NLGN1: variants seen among roughly 807,000 people sequenced by gnomAD.
The protein encoded by NLGN1 is neuroligin 1.
NLGN1 carries 12 observed loss-of-function variants against 65.5 expected under a neutral mutation model. The observed-to-expected ratio is 0.18, with a 90% CI of 0.12 to 0.30. NLGN1 has a LOEUF of 0.30. Among genes scored for constraint, NLGN1 ranks in the 10% least tolerant of loss-of-function variants. The pLI, the probability that NLGN1 is intolerant of heterozygous loss-of-function variation, is 1.00. For synonymous variants in NLGN1, 350 were observed against 359.5 expected, an observed-to-expected ratio of 0.97 and a Z score of 0.30; for missense variants, 750 against 1,007.1, an observed-to-expected ratio of 0.74 and a Z score of 3.46.
At chr3:174,059,830 G>A (rs1435766667) in intron 4 of NLGN1, among the ~76,000 whole-genome samples, 2 of 152,134 alleles carry the variant, frequency 1.3e-5, no homozygotes, top group Non-Finnish European at 2.9e-5. Context: ...CGGCTAGCAA[G>A]TTTCTGTGCT....
chr3:174,201,112 C>A (rs1734371330), intron 4 of NLGN1, among the ~76,000 whole-genome samples: 1 of 151,956 alleles, frequency 6.6e-6, no homozygotes, highest in African/African-American at 2.4e-5. Context: ...GTGGCACACA[C>A]CTGTAGGCCC....
At position 173,904,496 on chromosome 3, in the gene NLGN1, G is replaced by A. The variant is rs79425790; in HGVS notation, c.646+96664G>A. Among the ~76,000 whole-genome samples the A allele has an allele frequency of 7.2e-3, 1,073 of 150,054 alleles. 21 individuals are homozygous for A. The highest frequency in any genetic ancestry group is 0.035 in the Admixed American group (528 of 15,092). ...AAATGGAGTATACTTTTGCTTATAT[G>A]TGAAGATAAAGGGTTTTTTTTTTTT... On this transcript the variant is annotated intron_variant, in intron 4 of 6. Transcript: ENST00000457714.
At chr3:173,562,489 C>T (rs1389520142) in intron 2 of NLGN1, among the ~76,000 whole-genome samples, 1 of 151,954 alleles carries the variant, frequency 6.6e-6, no homozygotes, top group Non-Finnish European at 1.5e-5. Context: ...ATCGCTTGAA[C>T]CCAGGAGGCA....
rs547345000 is a variant in NLGN1, at chr3:173,569,394, C to A, written c.-320-34885C>A. Among the ~76,000 whole-genome samples the A allele has an allele frequency of 2.0e-5, 3 of 151,928 alleles. No homozygotes were observed. In the South Asian group the frequency reaches 6.2e-4, roughly 32 times the overall value. ...GTCACATGCATTTTGTTACTCAGGG[C>A]TTTTATTAATTTTTTTAAAATTTTA... On this transcript the variant is annotated intron_variant, in intron 2 of 6. Transcript: ENST00000457714.
intron 3 of NLGN1, among the ~76,000 whole-genome samples, chr3:173,633,908 A>G (rs1756153114): frequency 6.6e-6 from 1 of 152,228 alleles, no homozygotes; most frequent in African/African-American, 2.4e-5. Context: ...CTTACATATA[A>G]TCCACTTATA....
chr3:173,776,584 C>T (rs1192171002), intron 3 of NLGN1, among the ~76,000 whole-genome samples: 1 of 152,018 alleles, frequency 6.6e-6, no homozygotes, highest in Non-Finnish European at 1.5e-5. Flanking sequence ...TTACCTGTCC[C>T]TTAGAATTGC....
chr3:174,099,584 A>C (rs1711929484), intron 4 of NLGN1, among the ~76,000 whole-genome samples: 1 of 152,200 alleles, frequency 6.6e-6, no homozygotes, highest in Non-Finnish European at 1.5e-5. Flanking sequence ...TATAATTCCA[A>C]ATCTGAGTAA....
chr3:173,520,467 A>C (rs549000656), intron 2 of NLGN1, among the ~76,000 whole-genome samples: 1 of 152,332 alleles, frequency 6.6e-6, no homozygotes, highest in South Asian at 2.1e-4. Flanking sequence ...CCCACACTAG[A>C]AAACAAGTAC....
At chr3:173,929,647 C>G (rs549104888) in intron 4 of NLGN1, among the ~76,000 whole-genome samples, 1 of 148,894 alleles carries the variant, frequency 6.7e-6, no homozygotes, top group Non-Finnish European at 1.5e-5. Context: ...AAACAAATCT[C>G]CTTATTAAAG....
At chr3:174,051,414 G>C (rs1734843849) in intron 4 of NLGN1, among the ~76,000 whole-genome samples, 2 of 152,014 alleles carry the variant, frequency 1.3e-5, no homozygotes, top group Admixed American at 1.3e-4. Flanking sequence ...TGGCTGGTCG[G>C]CTGCCACCTA....
At chr3:174,158,447 A>G (rs9823136) in intron 4 of NLGN1, among the ~76,000 whole-genome samples, 3,772 of 151,876 alleles carry the variant, frequency 0.025, 111 homozygotes, top group African/African-American at 0.062. Flanking sequence ...TATAAACATT[A>G]GAGACAATAT....
intron 4 of NLGN1, among the ~76,000 whole-genome samples, chr3:174,267,341 ATC>A (rs1748464700): frequency 1.3e-5 from 2 of 152,242 alleles, no homozygotes; most frequent in Middle Eastern, 3.4e-3. Flanking sequence ...TTCATGAAGG[ATC>A]TGCTTCCATG....
chr3:174,224,535 C>T (rs1314291429), intron 4 of NLGN1, among the ~76,000 whole-genome samples: 1 of 152,062 alleles, frequency 6.6e-6, no homozygotes, highest in Non-Finnish European at 1.5e-5. Context: ...CCCGTCTCTA[C>T]CAAAAACACA....
intron 4 of NLGN1, among the ~76,000 whole-genome samples, chr3:174,195,418 T>C (rs1733226695): frequency 6.6e-6 from 1 of 152,206 alleles, no homozygotes. Context: ...GTAAGTAGAC[T>C]TATGAATAAT....
intron 3 of NLGN1, among the ~76,000 whole-genome samples, chr3:173,760,816 G>T (rs2150206806): frequency 6.6e-6 from 1 of 152,080 alleles, no homozygotes; most frequent in South Asian, 2.1e-4. Flanking sequence ...AGATTTTGCT[G>T]TAGTACAATA....
At chr3:173,765,468 G>GA (rs1778640941) in intron 3 of NLGN1, among the ~76,000 whole-genome samples, 2 of 152,110 alleles carry the variant, frequency 1.3e-5, no homozygotes, top group South Asian at 2.1e-4. Flanking sequence ...ACAAGAAGGA[G>GA]AAAAAAATAA....
chr3:173,621,364 C>T (rs529721164), intron 3 of NLGN1, among the ~76,000 whole-genome samples: 1 of 152,188 alleles, frequency 6.6e-6, no homozygotes, highest in Admixed American at 6.6e-5. Context: ...AAAGGCATTA[C>T]AGTTGGTAAA....
rs1443890346 is a variant in NLGN1, at chr3:174,080,186, T to A, written c.647-195129T>A. ...GCCTACATCCAAAATATATACCCAATGCGATGGAAATGCTCAATCATAACA... is the reference window on the plus strand; with the variant it reads ...GCCTACATCCAAAATATATACCCAAAGCGATGGAAATGCTCAATCATAACA... On this transcript the variant is annotated intron_variant, in intron 4 of 6. Coordinates refer to ENST00000457714, the Ensembl canonical transcript of NLGN1. Among the ~76,000 whole-genome samples the A allele has an allele frequency of 2.0e-5, 3 of 152,266 alleles. No individual in the cohort carries two copies. In the East Asian group the frequency reaches 5.8e-4, roughly 29 times the overall value.
intron 4 of NLGN1, among the ~76,000 whole-genome samples, chr3:173,865,325 C>T (rs943498250): frequency 3.3e-5 from 5 of 151,930 alleles, no homozygotes; most frequent in Admixed American, 6.6e-5. Context: ...TATTTGATTA[C>T]ATATGTACTG....
Sources: allele counts gnomAD v4.1 joint callset (sites outside exome capture counted in the v4.1 genomes callset), GRCh38; gene constraint gnomAD v4.1.1; transcripts MANE v1.5; gene names NCBI Gene and HGNC (gene_info 2026-07-23, HGNC 2026-07-21).